EPC1: variants seen among roughly 807,000 people sequenced by gnomAD.
EPC1 encodes the protein enhancer of polycomb homolog 1.
A neutral mutation model predicts 98.4 loss-of-function variants in EPC1; 12 were observed. That is an observed-to-expected ratio of 0.12 (90% confidence interval 0.08 to 0.20). The LOEUF is 0.20. EPC1 is among the 10% of genes least tolerant of loss of function. The pLI is 1.00. For missense variants in EPC1, 729 were observed against 990.5 expected (o/e 0.74, Z 3.54); for synonymous variants, 357 against 363.9 (o/e 0.98, Z 0.21).
chr10:32,372,042 C>T lies in EPC1; in HGVS notation c.3+6449G>A, dbSNP rs181002524. ...TGCCAAAAATTAAATGACACCCTTT[C>T]AAAGTTTGCAATCCATATTTCAAAG... On this transcript the variant is annotated intron_variant, in intron 1 of 13. Coordinates refer to the EPC1 transcript ENST00000375110. Among the ~76,000 whole-genome samples the T allele has an allele frequency of 2.5e-3, 374 of 152,298 alleles. 2 individuals carry two copies. Among genetic ancestry groups the T allele is most frequent in the African/African-American group, 8.7e-3 (360 of 41,562 alleles).
rs1835725069 is a variant in EPC1 at position 32,303,923 on chromosome 10, G to A, written c.313+1849C>T. Among the ~76,000 whole-genome samples the A allele has an allele frequency of 1.3e-5, 2 of 152,190 alleles. 1 individual carries two copies. Among genetic ancestry groups the A allele is most frequent in the South Asian group, 4.1e-4 (2 of 4,832 alleles). ...GAGGAACTGTGCAGGAGACTTCTCT[G>A]TACATTTCTCTGCAACCTCCCATAG... On this transcript the variant is annotated intron_variant, in intron 2 of 13. Coordinates refer to ENST00000319778, the MANE Select transcript of EPC1 (RefSeq NM_001272004.3).
intron 1 of EPC1, among the ~76,000 whole-genome samples, chr10:32,329,094 T>C (rs79806114): frequency 0.15 from 22,891 of 152,272 alleles, 2,040 homozygotes; most frequent in South Asian, 0.33. Flanking sequence ...TTTGGTCATA[T>C]GACAAGATTG....
intron 2 of EPC1, among the ~76,000 whole-genome samples, chr10:32,296,469 G>A (rs1198344871): frequency 6.6e-6 from 1 of 152,086 alleles, no homozygotes; most frequent in East Asian, 1.9e-4. Flanking sequence ...CATATCAGGG[G>A]CTGCATCAAG....
chr10:32,337,132 T>C (rs1838023688), intron 1 of EPC1, among the ~76,000 whole-genome samples: 1 of 152,228 alleles, frequency 6.6e-6, no homozygotes, highest in African/African-American at 2.4e-5. Flanking sequence ...ATCAAGTTAC[T>C]TGAAATTTAG....
At chr10:32,290,614 A>G (rs1366394424) in intron 6 of EPC1, among the ~76,000 whole-genome samples, 1 of 151,788 alleles carries the variant, frequency 6.6e-6, no homozygotes, top group African/African-American at 2.4e-5. Context: ...TACAACTTGT[A>G]AAAGGAATAT....
At chr10:32,328,141 T>C (rs1443400424) in intron 1 of EPC1, among the ~76,000 whole-genome samples, 1 of 152,018 alleles carries the variant, frequency 6.6e-6, no homozygotes, top group Non-Finnish European at 1.5e-5. Context: ...AGGAAGAGTA[T>C]CAAATCAAAT....
At chr10:32,363,552 T>C (rs1456336241) in intron 1 of EPC1, among the ~76,000 whole-genome samples, 1 of 152,222 alleles carries the variant, frequency 6.6e-6, no homozygotes, top group African/African-American at 2.4e-5. Flanking sequence ...ACTAAAAACC[T>C]AGACCTTTAA....
rs942817846 is a variant in EPC1, at chr10:32,276,838, G to A, written c.1745-3557C>T. 6.6e-5 allele frequency among the ~76,000 whole-genome samples: 10 copies of A among 152,312 alleles called. No individual in the cohort carries two copies. The East Asian group carries it at 1.9e-3, about 29-fold the overall frequency. On this transcript the variant is annotated intron_variant, in intron 10 of 13. Transcript: ENST00000319778. Reference sequence around the variant, plus strand: ...TATCAAGGTAGAACATTTTTAGGTTGTATGTCTACCTCCTGATATGGTATG... The same window carrying A: ...TATCAAGGTAGAACATTTTTAGGTTATATGTCTACCTCCTGATATGGTATG...
Position 32,284,943 on chromosome 10 carries a change from G to A in EPC1, c.1499C>T (p.Thr500Ile). Residue 500 changes from threonine to isoleucine, a missense_variant, in exon 10 of 14, where the codon ACC (threonine) becomes ATC (isoleucine). By Grantham distance (89) the Thr-to-Ile change is moderately conservative (BLOSUM62 -1). Transcript: ENST00000319778. ...QHSPVNQFAN[T>I]SETNTSDKSF... ...TTTGTCCGAGGTATTTGTTTCTGAG[G>A]TATTGGCAAACTGATTGACTGGAGA... 1 of 1,614,114 alleles carries A rather than the reference G, an allele frequency of 6.2e-7. No homozygotes were observed. Among genetic ancestry groups the A allele is most frequent in the Non-Finnish European group, 8.5e-7 (1 of 1,180,016 alleles).
chr10:32,341,445 A>G (rs888254709), intron 1 of EPC1, among the ~76,000 whole-genome samples: 1 of 152,186 alleles, frequency 6.6e-6, no homozygotes, highest in Admixed American at 6.5e-5. Context: ...ATTGGTTGGT[A>G]TATTTAATCC....
chr10:32,363,824 T>C (rs999156195), intron 1 of EPC1, among the ~76,000 whole-genome samples: 21 of 152,060 alleles, frequency 1.4e-4, no homozygotes, highest in African/African-American at 4.8e-4. Context: ...TAGCTAAACT[T>C]GCTCAATCTA....
intron 2 of EPC1, among the ~76,000 whole-genome samples, chr10:32,296,712 G>T (rs2132758921): frequency 6.6e-6 from 1 of 152,282 alleles, no homozygotes; most frequent in South Asian, 2.1e-4. Context: ...TTCCAGACCA[G>T]CCTGGCCAAC....
At chr10:32,360,075 T>C (rs1340073879) in intron 1 of EPC1, among the ~76,000 whole-genome samples, 1 of 152,148 alleles carries the variant, frequency 6.6e-6, no homozygotes, top group Non-Finnish European at 1.5e-5. Context: ...GTAGTTTTTG[T>C]ATCATTCATA....
At chr10:32,272,338 G>C in intron 11 of EPC1, 171 bp from the exon 12 acceptor site, 1 of 547,114 alleles carries the variant, frequency 1.8e-6, no homozygotes. Context: ...TCTTTTGATA[G>C]TCATATATTT....
chr10:32,364,001 C>CCTTTTTTTTTTTTTTT lies in EPC1; in HGVS notation c.3+14489_3+14490insAAAAAAAAAAAAAAAG, dbSNP rs770520611. 2.9e-4 allele frequency among the ~76,000 whole-genome samples: 18 copies of CCTTTTTTTTTTTTTTT among 61,858 alleles called. 9 individuals are homozygous for CCTTTTTTTTTTTTTTT. The highest frequency in any genetic ancestry group is 2.5e-4 in the Non-Finnish European group (8 of 32,530). 40.6% of individuals were successfully genotyped at this position (61,858 alleles called of 152,430 possible). ...AATAGTATCGTGTCCATCATGTTGG[C>CCTTTTTTTTTTTTTTT]ATTTTTTTTTTTTTTTTTTTTTTTT... On this transcript the variant is annotated intron_variant, in intron 1 of 13. Transcript: ENST00000375110.
intron 1 of EPC1, among the ~76,000 whole-genome samples, chr10:32,352,666 T>C (rs768763238): frequency 6.6e-6 from 1 of 152,202 alleles, no homozygotes; most frequent in South Asian, 2.1e-4. Context: ...TCTGAGCTCC[T>C]ATTATGCTTT....
chr10:32,372,846 T>C (rs1839789040), intron 1 of EPC1, among the ~76,000 whole-genome samples: 1 of 151,912 alleles, frequency 6.6e-6, no homozygotes, highest in Non-Finnish European at 1.5e-5. Flanking sequence ...CATGGCAAAA[T>C]CCCATCTCTA....
At chr10:32,340,770 C>T (rs1472990035) in intron 1 of EPC1, among the ~76,000 whole-genome samples, 1 of 152,038 alleles carries the variant, frequency 6.6e-6, no homozygotes, top group African/African-American at 2.4e-5. Flanking sequence ...GCTGCAGCTG[C>T]AGTGAGCTAT....
rs182836200 is a variant in EPC1 at position 32,361,750 on chromosome 10, C to A, written c.3+16741G>T. On this transcript the variant is annotated intron_variant, in intron 1 of 13. Transcript: ENST00000375110. ...GCCCCAAATGTCAGAGGTGTTTGAACCAGAGCAACTCCATCTTGAATAGGG... is the reference window on the plus strand; with the variant it reads ...GCCCCAAATGTCAGAGGTGTTTGAAACAGAGCAACTCCATCTTGAATAGGG... Among the ~76,000 whole-genome samples, 9 of 152,276 alleles carry A rather than the reference C, an allele frequency of 5.9e-5. No homozygotes were observed. In the East Asian group the frequency reaches 9.6e-4, roughly 16 times the overall value.
Sources: gnomAD v4.1 joint callset for allele counts (sites outside exome capture counted in the v4.1 genomes callset) on GRCh38, gnomAD v4.1.1 for gene constraint, MANE v1.5 for transcripts, NCBI Gene and HGNC (gene_info 2026-07-23, HGNC 2026-07-21) for gene names.